MACROD1: variants seen among roughly 807,000 people sequenced by gnomAD.
MACROD1 encodes ADP-ribose glycohydrolase MACROD1.
MACROD1 carries 31 observed loss-of-function variants against 41.4 expected under a neutral mutation model. The ratio of observed to expected loss-of-function variants is 0.75; its 90% CI spans 0.56 to 1.01. The LOEUF is 1.01. Among genes scored for constraint, MACROD1 ranks in the 50% least tolerant of loss-of-function variants. The pLI, the probability that MACROD1 is intolerant of heterozygous loss-of-function variation, is 0.00. For synonymous variants in MACROD1, 252 were observed against 203.4 expected, an observed-to-expected ratio of 1.24 and a Z score of -2.03; for missense variants, 473 against 460.0, an observed-to-expected ratio of 1.03 and a Z score of -0.26.
At chr11:64,001,196 C>A (rs367896445) in intron 4 of MACROD1, 15 of 567,904 alleles carry the variant, frequency 2.6e-5, no homozygotes, top group Non-Finnish European at 4.1e-5. Context: ...AGAGGCGCGG[C>A]CTCAGGCAGG....
chr11:64,070,647 G>A (rs533298173), intron 3 of MACROD1, among the ~76,000 whole-genome samples: 1 of 152,274 alleles, frequency 6.6e-6, no homozygotes, highest in African/African-American at 2.4e-5. Flanking sequence ...ACTCGGGCTG[G>A]GGCCTCAGGG....
chr11:63,999,274 G>A, intron 8 of MACROD1, 57 bp downstream of exon 8: 1 of 1,527,022 alleles, frequency 6.5e-7, no homozygotes, highest in South Asian at 1.2e-5. Flanking sequence ...GCGATGATGG[G>A]GGCTGGTCAC....
At chr11:64,161,498 G>C (rs2134733570) in intron 1 of MACROD1, among the ~76,000 whole-genome samples, 1 of 152,366 alleles carries the variant, frequency 6.6e-6, no homozygotes, top group African/African-American at 2.4e-5. Context: ...GCACTTGACT[G>C]TCAAATGTAA....
chr11:64,007,568 G>C (rs181105555), intron 4 of MACROD1, among the ~76,000 whole-genome samples: 2 of 152,244 alleles, frequency 1.3e-5, no homozygotes, highest in Non-Finnish European at 2.9e-5. Flanking sequence ...CGGGAGGTGC[G>C]AGGAGTCGAG....
At position 64,015,245 on chromosome 11, in the gene MACROD1, C is replaced by A; in HGVS notation, c.547+7G>T. ...CCCACCCCCACCAAGACAGAAGGTC[C>A]ACTCACCGCCACCGCCTCCGAGCAG... On this transcript the variant is annotated splice_region_variant and intron_variant, in intron 4 of 10. Transcript: ENST00000255681. 6.2e-7 allele frequency: 1 copy of A among 1,600,460 alleles called. No individual in the cohort carries two copies. The highest frequency in any genetic ancestry group is 8.5e-7 in the Non-Finnish European group (1 of 1,173,654).
chr11:64,071,962 A>G (rs1440367718), intron 3 of MACROD1, among the ~76,000 whole-genome samples: 1 of 152,222 alleles, frequency 6.6e-6, no homozygotes, highest in Non-Finnish European at 1.5e-5. Context: ...GAGAGGCCTC[A>G]GCTGCCGAGG....
chr11:64,052,802 G>A (rs991542817), intron 3 of MACROD1, among the ~76,000 whole-genome samples: 2 of 152,216 alleles, frequency 1.3e-5, no homozygotes, highest in African/African-American at 4.8e-5. Context: ...CATGGAAGCT[G>A]GTGGTCCAGG....
intron 3 of MACROD1, among the ~76,000 whole-genome samples, chr11:64,037,875 G>A (rs974387792): frequency 4.6e-4 from 70 of 152,214 alleles, no homozygotes; most frequent in African/African-American, 1.6e-3. Flanking sequence ...GGTAAAATGG[G>A]ATTGATAGTG....
intron 3 of MACROD1, among the ~76,000 whole-genome samples, chr11:64,128,861 A>T (rs1945225420): frequency 6.6e-6 from 1 of 152,208 alleles, no homozygotes; most frequent in Admixed American, 6.5e-5. Context: ...GTCTGGCACC[A>T]GGAGGCCCCG....
chr11:64,127,938 C>A (rs1945210602), intron 3 of MACROD1, among the ~76,000 whole-genome samples: 1 of 151,306 alleles, frequency 6.6e-6, no homozygotes. Flanking sequence ...CAATAGCAGT[C>A]TCTGCTAAAT....
intron 3 of MACROD1, among the ~76,000 whole-genome samples, chr11:64,142,156 G>T (rs1945422600): frequency 6.6e-6 from 1 of 152,182 alleles, no homozygotes; most frequent in East Asian, 1.9e-4. Flanking sequence ...AGGAAGAGGG[G>T]ACTTAGAGGG....
At chr11:64,059,706 C>A (rs1943860032) in intron 3 of MACROD1, among the ~76,000 whole-genome samples, 1 of 152,238 alleles carries the variant, frequency 6.6e-6, no homozygotes, top group African/African-American at 2.4e-5. Context: ...CAGAGAGGGG[C>A]AGGTCACTCA....
chr11:64,036,068 T>C lies in MACROD1; in HGVS notation c.518-20787A>G, dbSNP rs1943374262. On this transcript the variant is annotated intron_variant, in intron 3 of 10. Transcript: ENST00000255681. The surrounding 1 kb of genome is among the most constrained non-coding windows in gnomAD (Gnocchi z 5.6). The stretch of plus-strand genomic sequence containing the variant: ...GGCCCCCCTGGGCGCCCTCCGGCTC[T>C]GGTTCCCGCCCGCTCCTTGGAATAA... 6.6e-6 allele frequency: 1 copy of C among 151,572 alleles called. No individual in the cohort carries two copies. The highest frequency in any genetic ancestry group is 1.5e-5 in the Non-Finnish European group (1 of 67,902). 9.4% of individuals were successfully genotyped at this position (151,572 alleles called of 1,614,324 possible).
intron 1 of MACROD1, among the ~76,000 whole-genome samples, chr11:64,163,937 A>G (rs1439554528): frequency 7.2e-5 from 11 of 152,116 alleles, no homozygotes; most frequent in Admixed American, 7.2e-4. Flanking sequence ...CTGTCACTCA[A>G]TAACGGGTCT....
chr11:64,132,050 A>C (rs940656812), intron 3 of MACROD1, among the ~76,000 whole-genome samples: 4 of 152,104 alleles, frequency 2.6e-5, no homozygotes. Flanking sequence ...AGGTCTCTGC[A>C]CCTTCCCCTG....
chr11:64,131,795 G>A (rs982197637), intron 3 of MACROD1, among the ~76,000 whole-genome samples: 7 of 152,226 alleles, frequency 4.6e-5, no homozygotes, highest in Non-Finnish European at 8.8e-5. Flanking sequence ...CCTGCCCTGT[G>A]GAGCTCACGT....
chr11:64,100,593 C>G (rs139861612), intron 3 of MACROD1, among the ~76,000 whole-genome samples: 1 of 152,158 alleles, frequency 6.6e-6, no homozygotes, highest in Non-Finnish European at 1.5e-5. Flanking sequence ...GCCAGGCGCA[C>G]GCATTTACAT....
chr11:64,061,150 G>C (rs561145166), intron 3 of MACROD1, among the ~76,000 whole-genome samples: 1 of 152,342 alleles, frequency 6.6e-6, no homozygotes, highest in East Asian at 1.9e-4. Context: ...TTCAGTCTAG[G>C]CTAGGCTGAG....
rs759166056 is a variant in MACROD1, at chr11:64,000,258, C to T, written c.633G>A (p.Lys211=). ...TLQSCKTGKA[K]ITGGYRLPAK... is the part of the protein sequence containing the mutation. ...CCGGGAGCCGATAGCCGCCGGTGAT[C>T]TTGGCCTTGCCAGTCTTACAGCTCT... Residue 211 remains lysine, a synonymous_variant, in exon 5 of 11, where the codon AAG becomes AAA. Coordinates refer to ENST00000255681, the MANE Select transcript of MACROD1 (RefSeq NM_014067.4). The T allele has an allele frequency of 1.7e-5, 27 of 1,606,840 alleles. No homozygotes were observed. In the South Asian group the frequency reaches 2.7e-4, roughly 16 times the overall value.
Sources: gnomAD v4.1 joint callset for allele counts (sites outside exome capture counted in the v4.1 genomes callset) on GRCh38, gnomAD v4.1.1 for gene constraint, Gnocchi (gnomAD v3.1) non-coding constraint, MANE v1.5 for transcripts, NCBI Gene and HGNC (gene_info 2026-07-23, HGNC 2026-07-21) for gene names.